Variants in BAZ2A observed in about 807,000 individuals in gnomAD.
BAZ2A encodes bromodomain adjacent to zinc finger domain protein 2A.
Under a neutral mutation model 199.9 loss-of-function variants are expected in BAZ2A, and 34 were observed. That is an observed-to-expected ratio of 0.17 (90% CI 0.13 to 0.23). The LOEUF is 0.23. Among genes scored for constraint, BAZ2A ranks in the 10% least tolerant of loss-of-function variants. The pLI, the probability that BAZ2A is intolerant of heterozygous loss-of-function variation, is 1.00. For synonymous variants in BAZ2A, 857 were observed against 883.9 expected (o/e 0.97, Z 0.54); for missense variants, 2,002 against 2,391.1 (o/e 0.84, Z 3.39).
In BAZ2A at chr12:56,601,711, G is replaced by A. The variant is rs1886501493; in HGVS notation, c.3906C>T (p.Pro1302=). The change falls in exon 20 of 29, where the codon CCC becomes CCT. Residue 1302 remains proline, a synonymous_variant. Transcript: ENST00000549884. ...PGKLDPAPSQ[P]PEEPEPDEAE... is the part of the protein sequence containing the mutation. Reference sequence around the variant, plus strand: ...CCTCATCAGGCTCTGGCTCCTCCGGGGGTTGTGATGGAGCTGGGTCTAGTT... The same window carrying A: ...CCTCATCAGGCTCTGGCTCCTCCGGAGGTTGTGATGGAGCTGGGTCTAGTT... 9 of 1,613,956 alleles carry A rather than the reference G, an allele frequency of 5.6e-6. No individual in the cohort carries two copies. The highest frequency in any genetic ancestry group is 7.6e-6 in the Non-Finnish European group (9 of 1,179,876).
Position 56,605,066 on chromosome 12 carries a change from C to A in BAZ2A, c.2748+7G>T. The A allele has an allele frequency of 1.9e-6, 3 of 1,594,258 alleles. No homozygotes were observed. The highest frequency in any genetic ancestry group is 2.6e-6 in the Non-Finnish European group (3 of 1,167,224). Reference sequence around the variant, plus strand: ...TCCTGGTTACTTTGGGAGGGACTTGCACTCACCTGACAGTAGGAGGGAAAG... The same window carrying A: ...TCCTGGTTACTTTGGGAGGGACTTGAACTCACCTGACAGTAGGAGGGAAAG... On this transcript the variant is annotated splice_region_variant and intron_variant, in intron 14 of 28. Transcript: ENST00000549884.
At chr12:56,636,355 G>A (rs1167037220) in exon 1 of BAZ2A, 8 of 1,443,680 alleles carry the variant, frequency 5.5e-6, no homozygotes, top group Admixed American at 2.5e-5. Context: ...AACTGCTGTA[G>A]GGTGATGTCC....
At chr12:56,618,551 G>A (rs1950800101) in intron 1 of BAZ2A, among the ~76,000 whole-genome samples, 1 of 152,142 alleles carries the variant, frequency 6.6e-6, no homozygotes, top group Non-Finnish European at 1.5e-5. Context: ...AACTTGATAT[G>A]TGAGAAACAT....
chr12:56,605,709 TG>T, intron 13 of BAZ2A, 120 bp downstream of exon 13: 1 of 1,134,878 alleles, frequency 8.8e-7, no homozygotes, highest in Non-Finnish European at 1.2e-6. Context: ...GTGTGAGCCA[TG>T]GCACCCGGCC....
intron 10 of BAZ2A, among the ~76,000 whole-genome samples, chr12:56,609,342 T>C (rs1950484750): frequency 6.6e-6 from 1 of 152,152 alleles, no homozygotes; most frequent in Admixed American, 6.5e-5. Context: ...CCACCATGCC[T>C]GGCTCCCAAT....
In BAZ2A at chr12:56,611,763, G is replaced by C. The variant is rs200043280; in HGVS notation, c.1609+10C>G. 36 of 1,522,610 alleles carry C rather than the reference G, an allele frequency of 2.4e-5. No individual in the cohort carries two copies. In the Admixed American group the frequency reaches 7.9e-4, roughly 33 times the overall value. 94.3% of individuals were successfully genotyped at this position (1,522,610 alleles called of 1,614,324 possible). On this transcript the variant is annotated intron_variant, in intron 6 of 28. Coordinates refer to ENST00000549884, the MANE Select transcript of BAZ2A (RefSeq NM_001300905.2). ...ACCAGACAGGGATAGAATAGAATCTGGATACTCACCACTACCAGAAGCAGT... is the reference window on the plus strand; with the variant it reads ...ACCAGACAGGGATAGAATAGAATCTCGATACTCACCACTACCAGAAGCAGT...
upstream of BAZ2A, chr12:56,636,805 G>A (rs1308421125): frequency 6.5e-6 from 1 of 153,020 alleles, no homozygotes; most frequent in Non-Finnish European, 1.5e-5. Context: ...AGCTTTTCTG[G>A]GAGCAAACTA....
At chr12:56,602,667 C>A (rs1169740356) in intron 19 of BAZ2A, 46 bp downstream of exon 19, 7 of 1,587,096 alleles carry the variant, frequency 4.4e-6, no homozygotes, top group Middle Eastern at 1.7e-4. Context: ...TTATTTAATT[C>A]TTGTTTGATA....
chr12:56,632,561 C>T (rs1467646978), upstream of BAZ2A, among the ~76,000 whole-genome samples: 1 of 152,172 alleles, frequency 6.6e-6, no homozygotes, highest in African/African-American at 2.4e-5. Context: ...CCACTGACCG[C>T]CCCCACCCCT....
intron 1 of BAZ2A, among the ~76,000 whole-genome samples, chr12:56,625,619 T>C (rs961477568): frequency 3.9e-5 from 6 of 151,930 alleles, no homozygotes; most frequent in African/African-American, 1.5e-4. Context: ...GGCTCACGCC[T>C]GTAATCCCAG....
At chr12:56,636,191 G>A (rs1285913129) in exon 1 of BAZ2A, 2 of 1,594,402 alleles carry the variant, frequency 1.3e-6, no homozygotes, top group South Asian at 1.1e-5. Flanking sequence ...CCCATGTCAG[G>A]CTGGCACAGC....
intron 1 of BAZ2A, among the ~76,000 whole-genome samples, chr12:56,624,174 A>T (rs1374727347): frequency 6.6e-6 from 1 of 152,160 alleles, no homozygotes; most frequent in Non-Finnish European, 1.5e-5. Flanking sequence ...TGCCCTAGTA[A>T]CAAGCTTCCC....
At chr12:56,612,298 A>G (rs1950583392) in intron 5 of BAZ2A, 52 bp from the exon 6 acceptor site, 3 of 1,454,202 alleles carry the variant, frequency 2.1e-6, no homozygotes, top group South Asian at 2.5e-5. Flanking sequence ...GGCATCACAT[A>G]AAACAAGAGA....
chr12:56,598,359 T>G lies in BAZ2A; in HGVS notation c.*259A>C. On this transcript the variant is annotated 3_prime_UTR_variant, in exon 29 of 29. Transcript: ENST00000549884. The stretch of plus-strand genomic sequence containing the variant: ...TAGCAAATAAAACAGAAAAGAAAAA[T>G]TATTTTTTTCTTTCTTTTTTTGGCT... The G allele has an allele frequency of 5.1e-6, 2 of 391,312 alleles. No individual in the cohort carries two copies. Among genetic ancestry groups the G allele is most frequent in the East Asian group, 4.4e-5 (1 of 22,776 alleles). The allele number at this position is 391,312 out of a possible 1,614,324, so 24.2% of individuals were successfully genotyped here.
chr12:56,618,907 TATG>T (rs1950813945), intron 1 of BAZ2A, among the ~76,000 whole-genome samples: 1 of 151,590 alleles, frequency 6.6e-6, no homozygotes, highest in Non-Finnish European at 1.5e-5. Flanking sequence ...TAAGTACATA[TATG>T]ATGAGGCCTG....
intron 1 of BAZ2A, among the ~76,000 whole-genome samples, chr12:56,621,419 C>T (rs996848002): frequency 2.0e-5 from 3 of 152,068 alleles, no homozygotes; most frequent in Non-Finnish European, 2.9e-5. Flanking sequence ...ACTTCATTTA[C>T]GAGAAGCTTC....
At chr12:56,616,533 G>A (rs1412672690) in intron 2 of BAZ2A, among the ~76,000 whole-genome samples, 1 of 152,306 alleles carries the variant, frequency 6.6e-6, no homozygotes, top group Non-Finnish European at 1.5e-5. Context: ...GGTAGGGGGG[G>A]CACTTTGTGT....
At position 56,604,197 on chromosome 12, in the gene BAZ2A, A is replaced by C; in HGVS notation, c.3038+20T>G. On this transcript the variant is annotated intron_variant, in intron 16 of 28. Transcript: ENST00000549884. ...CCACTTCTCTCCTCTCTGAGGCTCT[A>C]CTCTCTGTCTGGTCCCTACCTCCGG... 1 of 1,591,448 alleles carries C rather than the reference A, an allele frequency of 6.3e-7. No homozygotes were observed.
intron 1 of BAZ2A, among the ~76,000 whole-genome samples, chr12:56,625,659 T>G (rs7973618): frequency 6.6e-6 from 1 of 151,228 alleles, no homozygotes; most frequent in Non-Finnish European, 1.5e-5. Context: ...GGGCGGATCA[T>G]GAGGTCAGGA....
Sources: gnomAD v4.1 joint callset for allele counts (sites outside exome capture counted in the v4.1 genomes callset) on GRCh38, gnomAD v4.1.1 for gene constraint, MANE v1.5 for transcripts, NCBI Gene and HGNC (gene_info 2026-07-23, HGNC 2026-07-21) for gene names.